SMIM10L3: variants seen among roughly 807,000 people sequenced by gnomAD.
SMIM10L3 encodes salivary gland specific protein SAGSIN1.
the SMIM10L3 span, among the ~76,000 whole-genome samples, chr7:6,343,579 T>G: frequency 1.3e-5 from 2 of 151,842 alleles, no homozygotes; most frequent in Non-Finnish European, 2.9e-5. Context: ...GTATTTGGTA[T>G]TGATTCCATT....
chr7:6,341,279 C>A, the SMIM10L3 span, among the ~76,000 whole-genome samples: 6 of 148,942 alleles, frequency 4.0e-5, no homozygotes, highest in African/African-American at 1.2e-4. Context: ...CCCATCTCTA[C>A]GAAAATACAA....
chr7:6,334,465 G>A, the SMIM10L3 span, among the ~76,000 whole-genome samples: 1 of 151,894 alleles, frequency 6.6e-6, no homozygotes, highest in Non-Finnish European at 1.5e-5. Flanking sequence ...GAGTCCCAGA[G>A]GCTCTGTCTC....
chr7:6,341,691 A>G, the SMIM10L3 span, among the ~76,000 whole-genome samples: 1 of 150,636 alleles, frequency 6.6e-6, no homozygotes, highest in Non-Finnish European at 1.5e-5. Flanking sequence ...CTCTGTCAAA[A>G]AAAAAAAAAA....
the SMIM10L3 span, chr7:6,330,707 G>A: frequency 1.1e-5 from 17 of 1,613,992 alleles, no homozygotes; most frequent in African/African-American, 6.7e-5. Flanking sequence ...GACACCCGAG[G>A]CTCTCCTTTG....
chr7:6,330,721 C>A, the SMIM10L3 span: 65 of 1,614,044 alleles, frequency 4.0e-5, no homozygotes, highest in Non-Finnish European at 5.3e-5. Flanking sequence ...TCCTTTGGGG[C>A]ACTGTCCTCT....
At chr7:6,331,240 G>C in the SMIM10L3 span, 1 of 1,346,872 alleles carries the variant, frequency 7.4e-7, no homozygotes, top group Non-Finnish European at 1.0e-6. Context: ...ATGAACCTAG[G>C]AAAGGGAATC....
At chr7:6,330,912 T>C in the SMIM10L3 span, 1 of 1,614,152 alleles carries the variant, frequency 6.2e-7, no homozygotes, top group Non-Finnish European at 8.5e-7. Context: ...ATGGAAGCAC[T>C]GGGCCGCCAC....
At chr7:6,330,841 C>T in the SMIM10L3 span, 1 of 1,614,202 alleles carries the variant, frequency 6.2e-7, no homozygotes, top group South Asian at 1.1e-5. Flanking sequence ...AGGGAACAAA[C>T]CCACGGCTGT....
At chr7:6,343,064 G>C in the SMIM10L3 span, among the ~76,000 whole-genome samples, 4 of 149,208 alleles carry the variant, frequency 2.7e-5, no homozygotes, top group African/African-American at 9.8e-5. Context: ...AAGAAAGAAA[G>C]AAAGAGGAAG....
At chr7:6,336,144 G>T in the SMIM10L3 span, among the ~76,000 whole-genome samples, 9 of 149,098 alleles carry the variant, frequency 6.0e-5, no homozygotes, top group African/African-American at 2.3e-4. Context: ...CTGCACTCCA[G>T]CCTGGGCAAC....
At chr7:6,347,884 TTA>T in the SMIM10L3 span, among the ~76,000 whole-genome samples, 2 of 2,806 alleles carry the variant, frequency 7.1e-4, no homozygotes, top group African/African-American at 2.1e-3. Flanking sequence ...CGAGACCCCT[TTA>T]TTATTATTAT....
At chr7:6,330,984 T>C in the SMIM10L3 span, 1 of 1,614,196 alleles carries the variant, frequency 6.2e-7, no homozygotes, top group Admixed American at 1.7e-5. Context: ...ATGCCTCACT[T>C]TGTGAATTTC....
the SMIM10L3 span, among the ~76,000 whole-genome samples, chr7:6,337,703 A>G: frequency 3.3e-5 from 5 of 151,816 alleles, no homozygotes; most frequent in African/African-American, 1.2e-4. Context: ...GTATTCAATC[A>G]TGATAGAATA....
At chr7:6,333,622 C>T in the SMIM10L3 span, among the ~76,000 whole-genome samples, 4 of 151,914 alleles carry the variant, frequency 2.6e-5, no homozygotes, top group African/African-American at 9.7e-5. Flanking sequence ...ATTCAGCCTC[C>T]TGTGTCACTG....
chr7:6,341,458 TA>T, the SMIM10L3 span, among the ~76,000 whole-genome samples: 4,630 of 147,108 alleles, frequency 0.031, 288 homozygotes, highest in African/African-American at 0.11. Context: ...ATAATAATAA[TA>T]ATTATTATTA....
chr7:6,337,729 T>C, the SMIM10L3 span, among the ~76,000 whole-genome samples: 192 of 151,860 alleles, frequency 1.3e-3, 7 homozygotes, highest in African/African-American at 4.4e-3. Context: ...TCCCCTGAAG[T>C]TCTTCTAGTA....
chr7:6,344,375 G>C, the SMIM10L3 span, among the ~76,000 whole-genome samples: 1 of 152,162 alleles, frequency 6.6e-6, no homozygotes, highest in Non-Finnish European at 1.5e-5. Context: ...CCCATGATGT[G>C]ACATGGCTGC....
At chr7:6,343,562 A>C in the SMIM10L3 span, among the ~76,000 whole-genome samples, 12 of 151,472 alleles carry the variant, frequency 7.9e-5, no homozygotes, top group African/African-American at 2.9e-4. Context: ...TGCTTTTACT[A>C]AATTTAGTAT....
the SMIM10L3 span, among the ~76,000 whole-genome samples, chr7:6,339,803 C>G: frequency 3.9e-4 from 59 of 151,870 alleles, no homozygotes; most frequent in Non-Finnish European, 7.1e-4. Context: ...CCTGTCTCCC[C>G]CTCCCGGTCC....
Sources: gnomAD v4.1 joint callset for allele counts (sites outside exome capture counted in the v4.1 genomes callset) on GRCh38, gnomAD v4.1.1 for gene constraint, MANE v1.5 for transcripts, NCBI Gene and HGNC (gene_info 2026-07-23, HGNC 2026-07-21) for gene names.